Variants in STXBP5L observed in about 807,000 individuals in gnomAD.
The protein encoded by STXBP5L is syntaxin-binding protein 5-like.
A neutral mutation model predicts 144.5 loss-of-function variants in STXBP5L; 65 were observed. The observed-to-expected ratio is 0.45, with a 90% CI of 0.37 to 0.55. The LOEUF (loss-of-function observed/expected upper bound fraction) is 0.55, where lower values mean the gene tolerates loss of function less well. STXBP5L is among the 20% of genes least tolerant of loss of function. The pLI is 0.00. For missense variants in STXBP5L, 1,298 were observed against 1,405.5 expected, an observed-to-expected ratio of 0.92 and a Z score of 1.22; for synonymous variants, 505 against 469.6, an observed-to-expected ratio of 1.08 and a Z score of -0.97.
chr3:121,135,402 C>T (rs1193636733), intron 7 of STXBP5L, among the ~76,000 whole-genome samples: 1 of 152,156 alleles, frequency 6.6e-6, no homozygotes, highest in Non-Finnish European at 1.5e-5. Flanking sequence ...TGAAGTAAGA[C>T]TCTTCAGTGA....
At position 121,337,526 on chromosome 3, in the gene STXBP5L, C is replaced by G. The variant is rs201339657; in HGVS notation, c.2176+18986C>G. 4.0e-5 allele frequency among the ~76,000 whole-genome samples: 6 copies of G among 149,156 alleles called. No individual in the cohort carries two copies. In the East Asian group the frequency reaches 1.0e-3, roughly 25 times the overall value. Reference sequence around the variant, plus strand: ...ATATTACAATCCTTAATATACATTACTTACTCCTTACTATGGAGCTTCCAG... The same window carrying G: ...ATATTACAATCCTTAATATACATTAGTTACTCCTTACTATGGAGCTTCCAG... On this transcript the variant is annotated intron_variant, in intron 20 of 26. Transcript: ENST00000471454.
intron 9 of STXBP5L, among the ~76,000 whole-genome samples, chr3:121,173,395 C>T (rs889632759): frequency 2.0e-5 from 3 of 151,066 alleles, no homozygotes; most frequent in Non-Finnish European, 4.4e-5. Context: ...ACAAAAAATG[C>T]TGGACAAACT....
intron 20 of STXBP5L, among the ~76,000 whole-genome samples, chr3:121,341,335 C>G (rs752335349): frequency 2.0e-5 from 3 of 152,178 alleles, no homozygotes; most frequent in Non-Finnish European, 2.9e-5. Flanking sequence ...GAGGTATTAT[C>G]TCACGCCAGT....
intron 5 of STXBP5L, among the ~76,000 whole-genome samples, chr3:121,101,112 C>CA (rs142123357): frequency 3.1e-4 from 46 of 150,462 alleles, no homozygotes; most frequent in African/African-American, 9.5e-4. Context: ...ATCTGCCAAA[C>CA]AAAAAAAAAG....
intron 3 of STXBP5L, among the ~76,000 whole-genome samples, chr3:120,963,146 A>G (rs1011991701): frequency 1.1e-4 from 17 of 152,202 alleles, no homozygotes; most frequent in African/African-American, 3.9e-4. Context: ...ACTTTGCTGA[A>G]GTTGCTTATC....
At chr3:121,355,980 C>A (rs2045497239) in intron 20 of STXBP5L, among the ~76,000 whole-genome samples, 1 of 152,196 alleles carries the variant, frequency 6.6e-6, no homozygotes, top group South Asian at 2.1e-4. Context: ...TTGCTGGAGG[C>A]CCACTCGAGA....
intron 5 of STXBP5L, among the ~76,000 whole-genome samples, chr3:121,108,543 C>A (rs2043821410): frequency 6.6e-6 from 1 of 152,136 alleles, no homozygotes; most frequent in South Asian, 2.1e-4. Flanking sequence ...TTGTTACCAG[C>A]CTTGCATCCC....
intron 9 of STXBP5L, among the ~76,000 whole-genome samples, chr3:121,165,889 G>T (rs1441715581): frequency 1.1e-4 from 16 of 151,918 alleles, no homozygotes; most frequent in African/African-American, 2.7e-4. Flanking sequence ...AATACATTGG[G>T]TTTTTTTGAT....
At chr3:121,359,072 A>G (rs1560018274) in intron 20 of STXBP5L, among the ~76,000 whole-genome samples, 1 of 152,120 alleles carries the variant, frequency 6.6e-6, no homozygotes, top group African/African-American at 2.4e-5. Flanking sequence ...TATTCCCACC[A>G]ACAGTGCATG....
At chr3:121,294,088 T>C (rs1036725357) in intron 19 of STXBP5L, among the ~76,000 whole-genome samples, 2 of 152,234 alleles carry the variant, frequency 1.3e-5, no homozygotes, top group African/African-American at 4.8e-5. Context: ...TGCTTTGATT[T>C]ATGCTATAAA....
intron 3 of STXBP5L, among the ~76,000 whole-genome samples, chr3:121,006,819 G>C (rs1260563606): frequency 6.6e-6 from 1 of 152,086 alleles, no homozygotes; most frequent in East Asian, 1.9e-4. Context: ...GGCTTAGTTT[G>C]GCTGTATATG....
At chr3:121,113,672 CTTTTTT>C (rs1231857211) in intron 5 of STXBP5L, among the ~76,000 whole-genome samples, 11 of 122,566 alleles carry the variant, frequency 9.0e-5, no homozygotes, top group South Asian at 2.6e-4. Context: ...TTTTCTTTTT[CTTTTTT>C]TTTTTTTTTT....
At chr3:120,969,512 G>T (rs1939999037) in intron 3 of STXBP5L, among the ~76,000 whole-genome samples, 1 of 150,764 alleles carries the variant, frequency 6.6e-6, no homozygotes, top group African/African-American at 2.4e-5. Flanking sequence ...TTGTCTGTTT[G>T]CTGATTATTT....
intron 18 of STXBP5L, among the ~76,000 whole-genome samples, chr3:121,271,641 CAATTTAT>C (rs2050737550): frequency 6.6e-6 from 1 of 152,100 alleles, no homozygotes; most frequent in Non-Finnish European, 1.5e-5. Flanking sequence ...AGTAGCTTAT[CAATTTAT>C]TCTTTTATAT....
intron 9 of STXBP5L, among the ~76,000 whole-genome samples, chr3:121,173,845 G>A (rs2046827915): frequency 6.6e-6 from 1 of 151,954 alleles, no homozygotes; most frequent in Non-Finnish European, 1.5e-5. Flanking sequence ...TTCTCATAAT[G>A]TCATGACTTT....
At chr3:121,318,423 A>G (rs1403264735) in intron 19 of STXBP5L, 52 bp from the exon 20 acceptor site, 13 of 1,401,578 alleles carry the variant, frequency 9.3e-6, no homozygotes, top group African/African-American at 7.4e-5. Context: ...AATAAGAATA[A>G]CCTACAAAAT....
intron 5 of STXBP5L, among the ~76,000 whole-genome samples, chr3:121,081,003 T>C (rs569124583): frequency 6.6e-6 from 1 of 152,322 alleles, no homozygotes; most frequent in East Asian, 1.9e-4. Flanking sequence ...CAGTTAATTT[T>C]AGGTTTGGCT....
At chr3:120,957,377 G>T (rs978070931) in intron 3 of STXBP5L, among the ~76,000 whole-genome samples, 1 of 151,958 alleles carries the variant, frequency 6.6e-6, no homozygotes, top group Admixed American at 6.6e-5. Context: ...ATGAATTCCT[G>T]AGATGATTCC....
At chr3:120,954,740 T>TA (rs912349828) in intron 2 of STXBP5L, among the ~76,000 whole-genome samples, 200 bp from the exon 3 acceptor site, 1 of 152,062 alleles carries the variant, frequency 6.6e-6, no homozygotes, top group Non-Finnish European at 1.5e-5. Flanking sequence ...CAAGATATTT[T>TA]AAAAAAGTGT....
Sources: gnomAD v4.1 joint callset for allele counts (sites outside exome capture counted in the v4.1 genomes callset) on GRCh38, gnomAD v4.1.1 for gene constraint, MANE v1.5 for transcripts, NCBI Gene and HGNC (gene_info 2026-07-23, HGNC 2026-07-21) for gene names.